Variants in TSPAN5 observed in about 807,000 individuals in gnomAD.
TSPAN5 encodes the protein tetraspanin-5.
TSPAN5 carries 10 observed loss-of-function variants against 37.1 expected under a neutral mutation model. The observed-to-expected ratio is 0.27, with a 90% confidence interval of 0.17 to 0.46. The LOEUF (loss-of-function observed/expected upper bound fraction) is 0.46. Ranked by LOEUF, TSPAN5 falls within the 20% of genes least tolerant of loss-of-function variation. The probability of loss-of-function intolerance (pLI) is 1.00; values close to 1 mark genes in which losing one functional copy is unlikely to be tolerated. For synonymous variants in TSPAN5, 110 were observed against 118.9 expected, an observed-to-expected ratio of 0.93 and a Z score of 0.48; for missense variants, 195 against 326.6, an observed-to-expected ratio of 0.60 and a Z score of 3.11.
At chr4:98,585,125 G>GT (rs1398137329) in intron 1 of TSPAN5, among the ~76,000 whole-genome samples, 2 of 152,140 alleles carry the variant, frequency 1.3e-5, no homozygotes, top group African/African-American at 4.8e-5. Flanking sequence ...TTTTTAAAAA[G>GT]TTTTTTCAAA....
chr4:98,623,736 C>T (rs985921146), intron 1 of TSPAN5, among the ~76,000 whole-genome samples: 1 of 152,162 alleles, frequency 6.6e-6, no homozygotes, highest in South Asian at 2.1e-4. Flanking sequence ...ATCCCTTACT[C>T]CTTTGGTGGC....
Position 98,484,530 on chromosome 4 carries a change from A to G in TSPAN5, c.279+2208T>C, listed in dbSNP as rs113809333. 24 of 456,304 alleles carry G rather than the reference A, an allele frequency of 5.3e-5. 1 individual carries two copies. Among genetic ancestry groups the G allele is most frequent in the African/African-American group, 2.2e-4 (11 of 50,216 alleles). 28.3% of individuals were successfully genotyped at this position (456,304 alleles called of 1,614,324 possible). A position where few individuals can be genotyped will look rare whatever the true frequency, so the allele number is the denominator to read the frequency against. On this transcript the variant is annotated intron_variant, in intron 3 of 7. Transcript: ENST00000305798. ...CTCTTCATTTCCAACATGAGACTTTATAAATTAAGGTGCTGATTTAGAGAA... is the reference window on the plus strand; with the variant it reads ...CTCTTCATTTCCAACATGAGACTTTGTAAATTAAGGTGCTGATTTAGAGAA...
intron 1 of TSPAN5, among the ~76,000 whole-genome samples, chr4:98,538,271 T>C (rs948008600): frequency 6.6e-6 from 1 of 152,258 alleles, no homozygotes; most frequent in Non-Finnish European, 1.5e-5. Context: ...AGTTACTTTG[T>C]GGCTGTTCTG....
chr4:98,566,094 G>A (rs1023939670), intron 1 of TSPAN5, among the ~76,000 whole-genome samples: 2 of 152,136 alleles, frequency 1.3e-5, no homozygotes, highest in East Asian at 1.9e-4. Flanking sequence ...ACAGCTGTCC[G>A]CCAGGTCTAT....
At chr4:98,497,065 A>C (rs1241170808) in intron 2 of TSPAN5, among the ~76,000 whole-genome samples, 1 of 152,004 alleles carries the variant, frequency 6.6e-6, no homozygotes, top group African/African-American at 2.4e-5. Flanking sequence ...AGTGGCTCAC[A>C]CCTGTAATCC....
intron 1 of TSPAN5, among the ~76,000 whole-genome samples, chr4:98,539,919 G>A (rs139280736): frequency 1.1e-4 from 17 of 152,296 alleles, no homozygotes; most frequent in African/African-American, 3.4e-4. Flanking sequence ...GGGAAGCCAT[G>A]CTGTGGGCAG....
rs575668578 is a variant in TSPAN5, at chr4:98,470,539, G to T, written c.*1983C>A. 1 of 152,362 alleles carries T rather than the reference G, an allele frequency of 6.6e-6. No homozygotes were observed. The highest frequency in any genetic ancestry group is 1.5e-5 in the Non-Finnish European group (1 of 68,036). The allele number at this position is 152,362 out of a possible 1,614,324, so 9.4% of individuals were successfully genotyped here. On this transcript the variant is annotated 3_prime_UTR_variant, in exon 8 of 8. Transcript: ENST00000305798. ...TGATTCTGAATCAATTGGCCAGATG[G>T]AGTTCACTGGAGAATGAGGCAATCA...
intron 2 of TSPAN5, 124 bp from the exon 3 acceptor site, chr4:98,487,008 A>T (rs912729778): frequency 2.1e-5 from 18 of 874,406 alleles, no homozygotes. Flanking sequence ...TCTGATTATC[A>T]GGTATGTGAT....
In TSPAN5 at chr4:98,658,517, C is replaced by T. The variant is rs1271901298; in HGVS notation, c.-291G>A. The T allele has an allele frequency of 9.8e-6, 2 of 204,288 alleles. No individual in the cohort carries two copies. Among genetic ancestry groups the T allele is most frequent in the Non-Finnish European group, 1.9e-5 (2 of 102,868 alleles). 12.7% of individuals were successfully genotyped at this position (204,288 alleles called of 1,614,324 possible). ...CTAGCCCCGAACACAAAGCGAGCGC[C>T]CGCGTCCGTGCGCCAGGCGGTCGGT... On this transcript the variant is annotated 5_prime_UTR_variant, in exon 1 of 8. Coordinates refer to ENST00000305798, the MANE Select transcript of TSPAN5 (RefSeq NM_005723.4).
intron 2 of TSPAN5, among the ~76,000 whole-genome samples, chr4:98,487,595 G>T (rs569183772): frequency 1.3e-5 from 2 of 152,094 alleles, no homozygotes; most frequent in African/African-American, 4.8e-5. Flanking sequence ...CGTACCTCAG[G>T]ATCTACTCTT....
chr4:98,544,204 C>T (rs1470978959), intron 1 of TSPAN5, among the ~76,000 whole-genome samples: 1 of 151,946 alleles, frequency 6.6e-6, no homozygotes. Flanking sequence ...AATGAATGAA[C>T]AAACAAGTGC....
At chr4:98,611,288 C>T (rs1229427338) in intron 1 of TSPAN5, among the ~76,000 whole-genome samples, 1 of 152,188 alleles carries the variant, frequency 6.6e-6, no homozygotes, top group African/African-American at 2.4e-5. Flanking sequence ...GAGTTAGCCT[C>T]CCCCTTGCAC....
At chr4:98,481,530 G>A (rs1052646544) in intron 4 of TSPAN5, among the ~76,000 whole-genome samples, 1 of 152,168 alleles carries the variant, frequency 6.6e-6, no homozygotes, top group African/African-American at 2.4e-5. Context: ...TTAACTGCAT[G>A]TGCAATAATA....
intron 1 of TSPAN5, among the ~76,000 whole-genome samples, chr4:98,513,389 T>A (rs573739603): frequency 1.3e-5 from 2 of 151,948 alleles, no homozygotes; most frequent in African/African-American, 4.8e-5. Flanking sequence ...AAAATGAGGA[T>A]CTGGGCCGCA....
intron 2 of TSPAN5, among the ~76,000 whole-genome samples, chr4:98,495,479 C>T (rs903648892): frequency 5.4e-5 from 8 of 147,950 alleles, no homozygotes; most frequent in Non-Finnish European, 8.9e-5. Flanking sequence ...CGCCAGTGAG[C>T]TGAGACTGCG....
chr4:98,591,069 G>GTTTT (rs200525592), intron 1 of TSPAN5, among the ~76,000 whole-genome samples: 64 of 137,972 alleles, frequency 4.6e-4, no homozygotes, highest in African/African-American at 1.9e-3. Context: ...CCTTTTTTTT[G>GTTTT]TTTTTTTGTT....
chr4:98,544,397 C>CTGTGTGTGTGTGTGTGTGTGTGTGTG (rs1363666850), intron 1 of TSPAN5, among the ~76,000 whole-genome samples: 10 of 152,138 alleles, frequency 6.6e-5, no homozygotes, highest in African/African-American at 2.2e-4. Flanking sequence ...ACCATTTCAT[C>CTGTGTGTGTGTGTGTGTGTGTGTGTG]TGTGTGTCTG....
At chr4:98,497,128 C>T (rs1409249140) in intron 2 of TSPAN5, among the ~76,000 whole-genome samples, 1 of 151,990 alleles carries the variant, frequency 6.6e-6, no homozygotes, top group African/African-American at 2.4e-5. Context: ...AGTTTGAGAC[C>T]AGCCTGGCCA....
chr4:98,641,329 T>C (rs1269700519), intron 1 of TSPAN5, among the ~76,000 whole-genome samples: 7 of 152,088 alleles, frequency 4.6e-5, no homozygotes, highest in Non-Finnish European at 8.8e-5. Context: ...AAATGAAATA[T>C]AAAAATATTA....
Sources: allele counts gnomAD v4.1 joint callset (sites outside exome capture counted in the v4.1 genomes callset), GRCh38; gene constraint gnomAD v4.1.1; transcripts MANE v1.5; gene names NCBI Gene and HGNC (gene_info 2026-07-23, HGNC 2026-07-21).